The following TRIO variants were observed in gnomAD, a reference collection of about 807,000 sequenced individuals.
TRIO encodes trio Rho guanine nucleotide exchange factor, also known as triple functional domain protein.
A neutral mutation model predicts 351.9 loss-of-function variants in TRIO; 58 were observed. The observed-to-expected ratio is 0.16, with a 90% CI of 0.13 to 0.21. TRIO has a LOEUF of 0.21. Among genes scored for constraint, TRIO ranks in the 10% least tolerant of loss-of-function variants. The probability of loss-of-function intolerance (pLI) is 1.00; values close to 1 mark genes in which losing one functional copy is unlikely to be tolerated. For synonymous variants in TRIO, 1,758 were observed against 1,595.7 expected, an observed-to-expected ratio of 1.10 and a Z score of -2.42; for missense variants, 3,201 against 4,027.8, an observed-to-expected ratio of 0.79 and a Z score of 5.56.
chr5:14,489,537 T>C (rs1394655133), intron 48 of TRIO, among the ~76,000 whole-genome samples: 1 of 152,206 alleles, frequency 6.6e-6, no homozygotes, highest in Non-Finnish European at 1.5e-5. Flanking sequence ...GGATACTCAG[T>C]ATCCAGGTGT....
chr5:14,267,238 C>T (rs1000057467), intron 1 of TRIO, among the ~76,000 whole-genome samples: 8 of 152,170 alleles, frequency 5.3e-5, no homozygotes, highest in African/African-American at 1.9e-4. Context: ...GTGGCACCCC[C>T]TTCCACCTAT....
chr5:14,248,602 G>A (rs976960028), intron 1 of TRIO, among the ~76,000 whole-genome samples: 4 of 152,188 alleles, frequency 2.6e-5, no homozygotes, highest in Admixed American at 6.5e-5. Flanking sequence ...AGTTTCCTGA[G>A]GGGAGCCCCT....
intron 8 of TRIO, among the ~76,000 whole-genome samples, chr5:14,314,350 T>C (rs887864297): frequency 7.9e-5 from 12 of 152,208 alleles, no homozygotes; most frequent in Non-Finnish European, 1.6e-4. Flanking sequence ...ATACATCTAT[T>C]GTAGGTGAAA....
chr5:14,255,895 T>G (rs1794997851), intron 1 of TRIO, among the ~76,000 whole-genome samples: 1 of 152,196 alleles, frequency 6.6e-6, no homozygotes, highest in East Asian at 1.9e-4. Flanking sequence ...GCCTGTAGCA[T>G]GATTGCATTT....
rs532061131 is a variant in TRIO, at chr5:14,235,986, G to A, written c.158-34839G>A. On this transcript the variant is annotated intron_variant, in intron 1 of 56. Transcript: ENST00000344204. Reference sequence around the variant, plus strand: ...CAGCCCTATAAAACTGTACATTTTCGATGATACATAAAACTTATAATTGTA... The same window carrying A: ...CAGCCCTATAAAACTGTACATTTTCAATGATACATAAAACTTATAATTGTA... Among the ~76,000 whole-genome samples the A allele has an allele frequency of 5.9e-5, 9 of 152,140 alleles. No homozygotes were observed. The South Asian group carries it at 1.5e-3, about 25-fold the overall frequency.
In TRIO at chr5:14,497,095, C is replaced by T; in HGVS notation, c.8019+78C>T. The T allele has an allele frequency of 1.3e-6, 2 of 1,560,598 alleles. No homozygotes were observed. The highest frequency in any genetic ancestry group is 1.7e-6 in the Non-Finnish European group (2 of 1,153,126). ...TCAGGGAGGGCAGAGACTCTGCAGACCTGAAGCTGGGCTTGCTTATGACCT... is the reference window on the plus strand; with the variant it reads ...TCAGGGAGGGCAGAGACTCTGCAGATCTGAAGCTGGGCTTGCTTATGACCT... On this transcript the variant is annotated intron_variant, in intron 50 of 56. Transcript: ENST00000344204. This position sits in a 1 kb window ranked among gnomAD's most constrained non-coding sequence, Gnocchi z 4.4.
At chr5:14,370,170 G>T (rs746834259) in intron 18 of TRIO, among the ~76,000 whole-genome samples, 58 of 151,012 alleles carry the variant, frequency 3.8e-4, no homozygotes, top group Non-Finnish European at 6.8e-4. Context: ...TGTCACCCAG[G>T]CTGGAGTGCA....
At position 14,493,545 on chromosome 5, in the gene TRIO, G is replaced by A. The variant is rs779737571; in HGVS notation, c.7880+731G>A. ...ATACAAGATGCCAAACATAATAAAC[G>A]TGTGTTCTAACTGCTCCACCAACTG... On this transcript the variant is annotated intron_variant, in intron 49 of 56. Transcript: ENST00000344204. 1.2e-4 allele frequency among the ~76,000 whole-genome samples: 18 copies of A among 152,236 alleles called. No homozygotes were observed. In the South Asian group the frequency reaches 2.7e-3, roughly 23 times the overall value.
chr5:14,379,311 G>C (rs1312129437), intron 20 of TRIO, among the ~76,000 whole-genome samples: 2 of 152,220 alleles, frequency 1.3e-5, no homozygotes, highest in Non-Finnish European at 2.9e-5. Context: ...ATGCTTTTTA[G>C]CTGAAGAAAA....
chr5:14,177,487 C>G (rs771801194), intron 1 of TRIO, among the ~76,000 whole-genome samples: 27 of 152,270 alleles, frequency 1.8e-4, no homozygotes, highest in South Asian at 6.2e-4. Flanking sequence ...AGCTCCTGTT[C>G]TGGAACCTGG....
chr5:14,415,364 C>T (rs958948654), intron 33 of TRIO, among the ~76,000 whole-genome samples: 2 of 152,144 alleles, frequency 1.3e-5, no homozygotes, highest in African/African-American at 2.4e-5. Flanking sequence ...CAGAACTCAT[C>T]GCAGAGCTTG....
chr5:14,363,414 A>G (rs1169427021), intron 13 of TRIO, among the ~76,000 whole-genome samples: 1 of 152,180 alleles, frequency 6.6e-6, no homozygotes, highest in Admixed American at 6.5e-5. Flanking sequence ...ATTTTTGTAT[A>G]TACGGTATAT....
At chr5:14,301,540 T>C (rs1300826886) in intron 7 of TRIO, among the ~76,000 whole-genome samples, 1 of 152,106 alleles carries the variant, frequency 6.6e-6, no homozygotes, top group African/African-American at 2.4e-5. Context: ...TCCCCCAGCA[T>C]TGCAGTCCCA....
chr5:14,174,815 G>A (rs1789310348), intron 1 of TRIO, among the ~76,000 whole-genome samples: 1 of 152,126 alleles, frequency 6.6e-6, no homozygotes, highest in Non-Finnish European at 1.5e-5. Flanking sequence ...TTATTTTCGT[G>A]GATCTCAATA....
intron 54 of TRIO, among the ~76,000 whole-genome samples, chr5:14,503,763 A>G (rs983240907): frequency 2.8e-4 from 43 of 152,208 alleles, no homozygotes; most frequent in African/African-American, 8.9e-4. Flanking sequence ...GCCTTTAACC[A>G]CACAGTCTGC....
intron 55 of TRIO, 199 bp downstream of exon 55, chr5:14,504,792 G>T (rs536031030): frequency 3.0e-6 from 2 of 672,894 alleles, no homozygotes; most frequent in Non-Finnish European, 4.9e-6. Context: ...TCCACAGGGC[G>T]GTTGCCTGAT....
intron 1 of TRIO, among the ~76,000 whole-genome samples, chr5:14,179,804 T>C (rs965940233): frequency 6.6e-6 from 1 of 152,052 alleles, no homozygotes; most frequent in Non-Finnish European, 1.5e-5. Flanking sequence ...AAATTAATGA[T>C]TAACTGTCTG....
intron 1 of TRIO, among the ~76,000 whole-genome samples, chr5:14,178,061 G>A (rs1489248860): frequency 6.6e-6 from 1 of 152,106 alleles, no homozygotes; most frequent in African/African-American, 2.4e-5. Context: ...AAATACTCTT[G>A]TATTCATGGT....
intron 1 of TRIO, among the ~76,000 whole-genome samples, chr5:14,215,414 A>G (rs992660354): frequency 6.6e-6 from 1 of 152,204 alleles, no homozygotes; most frequent in Non-Finnish European, 1.5e-5. Context: ...TCACAGTTTT[A>G]TTATGATTTT....
Sources: gnomAD v4.1 joint callset for allele counts (sites outside exome capture counted in the v4.1 genomes callset) on GRCh38, gnomAD v4.1.1 for gene constraint, Gnocchi (gnomAD v3.1) non-coding constraint, MANE v1.5 for transcripts, NCBI Gene and HGNC (gene_info 2026-07-23, HGNC 2026-07-21) for gene names.